The following CCSER1 variants were observed in gnomAD, a reference collection of about 807,000 sequenced individuals.
The protein encoded by CCSER1 is serine-rich coiled-coil domain-containing protein 1.
In CCSER1, 41 loss-of-function variants were observed where a neutral mutation model predicts 82.0. The observed-to-expected ratio is 0.50, with a 90% CI of 0.39 to 0.65. The LOEUF is 0.65. CCSER1 is among the 30% of genes least tolerant of loss of function. CCSER1 has a pLI of 0.00. For synonymous variants in CCSER1, 414 were observed against 383.9 expected (o/e 1.08, Z -0.92); for missense variants, 1,119 against 1,064.2 (o/e 1.05, Z -0.72).
intron 10 of CCSER1, among the ~76,000 whole-genome samples, chr4:91,090,165 C>A (rs533631405): frequency 6.6e-6 from 1 of 152,242 alleles, no homozygotes; most frequent in East Asian, 1.9e-4. Flanking sequence ...TTCCAGTTAC[C>A]TATGGCTATG....
At chr4:91,455,661 C>A (rs926668807) in intron 10 of CCSER1, among the ~76,000 whole-genome samples, 1 of 152,086 alleles carries the variant, frequency 6.6e-6, no homozygotes, top group African/African-American at 2.4e-5. Context: ...TGGACTAAGA[C>A]GCCCCCAACC....
chr4:90,954,510 A>G (rs35264495), intron 9 of CCSER1, among the ~76,000 whole-genome samples: 10,580 of 152,098 alleles, frequency 0.07, 501 homozygotes, highest in East Asian at 0.18. Flanking sequence ...GGAATTCTTA[A>G]CATAGTTCTC....
chr4:90,183,059 C>T (rs763022065), intron 1 of CCSER1, among the ~76,000 whole-genome samples: 35 of 152,002 alleles, frequency 2.3e-4, no homozygotes, highest in South Asian at 1.2e-3. Flanking sequence ...TAAGGAGAAA[C>T]ATAAATTATG....
At chr4:91,073,182 G>C (rs767960339) in intron 9 of CCSER1, among the ~76,000 whole-genome samples, 13 of 152,126 alleles carry the variant, frequency 8.5e-5, no homozygotes, top group Non-Finnish European at 1.6e-4. Context: ...GATAAATTTT[G>C]ACATTTGGCT....
chr4:90,534,098 A>G (rs1355656791), intron 5 of CCSER1, among the ~76,000 whole-genome samples: 1 of 152,180 alleles, frequency 6.6e-6, no homozygotes, highest in Non-Finnish European at 1.5e-5. Flanking sequence ...TCACTAGGCT[A>G]GGCACTTGGA....
intron 6 of CCSER1, among the ~76,000 whole-genome samples, chr4:90,636,357 A>T (rs959097137): frequency 6.6e-6 from 1 of 151,980 alleles, no homozygotes; most frequent in Non-Finnish European, 1.5e-5. Flanking sequence ...ATAGAGACAC[A>T]TTATGCTTCT....
intron 10 of CCSER1, among the ~76,000 whole-genome samples, chr4:91,354,108 A>G (rs1247890335): frequency 1.3e-5 from 2 of 152,162 alleles, no homozygotes; most frequent in Non-Finnish European, 2.9e-5. Context: ...AGGCTTGACC[A>G]GTTTTATTAG....
chr4:90,393,976 C>T (rs1240166387), intron 3 of CCSER1, among the ~76,000 whole-genome samples: 6 of 151,386 alleles, frequency 4.0e-5, no homozygotes, highest in Admixed American at 2.0e-4. Context: ...AGGGGGGTCT[C>T]GCTGTTTTGC....
At chr4:90,441,422 C>CT (rs1330218826) in intron 4 of CCSER1, among the ~76,000 whole-genome samples, 1 of 152,052 alleles carries the variant, frequency 6.6e-6, no homozygotes, top group African/African-American at 2.4e-5. Flanking sequence ...AGATGGCCAC[C>CT]TTTTTGCTGT....
chr4:90,230,011 C>T (rs969313842), intron 1 of CCSER1, among the ~76,000 whole-genome samples: 15 of 152,110 alleles, frequency 9.9e-5, no homozygotes, highest in Admixed American at 9.2e-4. Flanking sequence ...GACTCCCACA[C>T]AATAATAATG....
At chr4:90,590,964 C>T (rs886291085) in intron 5 of CCSER1, among the ~76,000 whole-genome samples, 5 of 152,162 alleles carry the variant, frequency 3.3e-5, no homozygotes, top group African/African-American at 9.7e-5. Flanking sequence ...TGTGTCCTCT[C>T]TTATTTCTTT....
At chr4:90,932,946 GAAAGAAAGAA>G (rs1231770033) in intron 9 of CCSER1, among the ~76,000 whole-genome samples, 5 of 30,998 alleles carry the variant, frequency 1.6e-4, no homozygotes, top group African/African-American at 9.5e-4. Flanking sequence ...AAGAAAGAAA[GAAAGAAAGAA>G]AGAAAGAAAG....
chr4:90,232,068 A>G (rs553511988), intron 1 of CCSER1, among the ~76,000 whole-genome samples: 123 of 152,346 alleles, frequency 8.1e-4, no homozygotes, highest in African/African-American at 2.9e-3. Flanking sequence ...TATAGATTCA[A>G]TGCCATCCCC....
At chr4:90,384,297 C>CA in intron 3 of CCSER1, among the ~76,000 whole-genome samples, 1 of 102,612 alleles carries the variant, frequency 9.7e-6, no homozygotes, top group African/African-American at 3.9e-5. Context: ...CCCCTCCCCC[C>CA]ACCCTTTGTA....
At chr4:90,479,100 CT>C (rs534334762) in intron 5 of CCSER1, among the ~76,000 whole-genome samples, 10 of 148,412 alleles carry the variant, frequency 6.7e-5, no homozygotes, top group South Asian at 2.2e-4. Flanking sequence ...TGAAATCATT[CT>C]TTTTTTTTTC....
intron 5 of CCSER1, among the ~76,000 whole-genome samples, chr4:90,522,608 CTCTAAGACCCAGCATAAAA>C (rs1367232817): frequency 6.6e-6 from 1 of 152,106 alleles, no homozygotes; most frequent in Non-Finnish European, 1.5e-5. Flanking sequence ...GGCCAGTAAA[CTCTAAGACCCAGCATAAAA>C]TCATCACTTC....
chr4:90,569,478 A>G (rs9996173), intron 5 of CCSER1, among the ~76,000 whole-genome samples: 6,426 of 152,306 alleles, frequency 0.042, 345 homozygotes, highest in African/African-American at 0.12. Context: ...GTAGTTGGGC[A>G]ACAGGACTGG....
intron 10 of CCSER1, among the ~76,000 whole-genome samples, chr4:91,542,693 A>C (rs912600128): frequency 3.9e-5 from 6 of 152,100 alleles, no homozygotes; most frequent in African/African-American, 1.4e-4. Context: ...CTGTTCTTTT[A>C]CATTTGCTGA....
At chr4:91,282,963 A>G (rs1743028466) in intron 10 of CCSER1, among the ~76,000 whole-genome samples, 1 of 152,100 alleles carries the variant, frequency 6.6e-6, no homozygotes, top group African/African-American at 2.4e-5. Flanking sequence ...TGCTAAGCAT[A>G]AGAGCTTTAC....
Sources: allele counts gnomAD v4.1 joint callset (sites outside exome capture counted in the v4.1 genomes callset), GRCh38; gene constraint gnomAD v4.1.1; transcripts MANE v1.5; gene names NCBI Gene and HGNC (gene_info 2026-07-23, HGNC 2026-07-21).